The following RREB1 variants were observed in gnomAD, a reference collection of about 807,000 sequenced individuals.
RREB1 encodes ras responsive element binding protein 1.
RREB1 carries 27 observed loss-of-function variants against 117.8 expected under a neutral mutation model. The observed-to-expected ratio is 0.23, with a 90% CI of 0.17 to 0.32. The LOEUF (loss-of-function observed/expected upper bound fraction) is 0.32, where lower values mean the gene tolerates loss of function less well. RREB1 is among the 10% of genes least tolerant of loss of function. RREB1 has a pLI of 1.00. For synonymous variants in RREB1, 1,298 were observed against 1,026.7 expected, an observed-to-expected ratio of 1.26 and a Z score of -5.05; for missense variants, 2,577 against 2,378.2, an observed-to-expected ratio of 1.08 and a Z score of -1.74.
At chr6:7,141,604 A>G (rs1003454505) in intron 1 of RREB1, among the ~76,000 whole-genome samples, 2 of 152,206 alleles carry the variant, frequency 1.3e-5, no homozygotes, top group Non-Finnish European at 2.9e-5. Flanking sequence ...CCATTGAAAC[A>G]TTTGGCTTCC....
chr6:7,173,504 G>GAA (rs796789297), intron 1 of RREB1, among the ~76,000 whole-genome samples: 4 of 120,236 alleles, frequency 3.3e-5, no homozygotes, highest in Admixed American at 8.8e-5. Context: ...AAAACATGAA[G>GAA]AAAAAAAAAA....
chr6:7,247,214 C>T lies in RREB1; in HGVS notation c.4764C>T (p.Ser1588=). 6.2e-7 allele frequency: 1 copy of T among 1,612,508 alleles called. No individual in the cohort carries two copies. Among genetic ancestry groups the T allele is most frequent in the Non-Finnish European group, 8.5e-7 (1 of 1,179,320 alleles). The change falls in exon 12 of 13, where the codon TCC becomes TCT. Residue 1588 remains serine, a synonymous_variant. Coordinates refer to ENST00000379938, the MANE Select transcript of RREB1 (RefSeq NM_001003699.4). ...AGGACCTGACCCGGCACATGCGCTC[C>T]CACACAGGTAACCAGGGCAGGCCAG... ...SLQDLTRHMR[S]HTGERPYKCQ...
At chr6:7,137,768 C>T (rs927277696) in intron 1 of RREB1, among the ~76,000 whole-genome samples, 16 of 152,214 alleles carry the variant, frequency 1.1e-4, no homozygotes, top group African/African-American at 3.6e-4. Context: ...AGTCATTTCA[C>T]GGCCGCCTAG....
intron 10 of RREB1, among the ~76,000 whole-genome samples, chr6:7,237,893 A>G (rs910220615): frequency 6.6e-6 from 1 of 152,208 alleles, no homozygotes; most frequent in Non-Finnish European, 1.5e-5. Flanking sequence ...CTTTCACATC[A>G]TGGATTGTTT....
chr6:7,110,188 G>C (rs931897866), intron 1 of RREB1, among the ~76,000 whole-genome samples: 7 of 152,126 alleles, frequency 4.6e-5, no homozygotes, highest in Non-Finnish European at 7.4e-5. Flanking sequence ...AGTGGAAGGT[G>C]GGGAAAAGAG....
At chr6:7,234,443 T>C (rs1376574051) in intron 10 of RREB1, among the ~76,000 whole-genome samples, 2 of 152,234 alleles carry the variant, frequency 1.3e-5, no homozygotes, top group African/African-American at 2.4e-5. Context: ...TGTGCCCATG[T>C]CTTTGCAGGT....
chr6:7,248,641 G>A lies in RREB1; in HGVS notation c.4902G>A (p.Glu1634=). Residue 1634 remains glutamate (E), a synonymous_variant, in exon 13 of 13, where the codon GAG becomes GAA. Transcript: ENST00000379938. ...ACGGGAAGGACAGCGACAAGGAAGA[G>A]CGGGGTGAGGAGGACAGCGAGAATG... ...KHHGKDSDKE[E]RGEEDSENES... 6.2e-7 allele frequency: 1 copy of A among 1,614,268 alleles called. No individual in the cohort carries two copies. The highest frequency in any genetic ancestry group is 1.3e-5 in the African/African-American group (1 of 75,074).
At chr6:7,111,841 C>T (rs1204915004) in intron 1 of RREB1, among the ~76,000 whole-genome samples, 1 of 152,144 alleles carries the variant, frequency 6.6e-6, no homozygotes, top group Non-Finnish European at 1.5e-5. Context: ...ATAGTACCCT[C>T]TTATTTCTAG....
chr6:7,236,010 C>G (rs1467648416), intron 10 of RREB1, among the ~76,000 whole-genome samples: 1 of 152,162 alleles, frequency 6.6e-6, no homozygotes, highest in Non-Finnish European at 1.5e-5. Flanking sequence ...CCTTCCACTC[C>G]TCTCCAGCTC....
intron 1 of RREB1, among the ~76,000 whole-genome samples, chr6:7,150,335 G>C (rs1443652771): frequency 6.6e-6 from 1 of 152,080 alleles, no homozygotes; most frequent in Non-Finnish European, 1.5e-5. Context: ...TGTGCACTTA[G>C]GTTTGCTGTA....
intron 8 of RREB1, among the ~76,000 whole-genome samples, chr6:7,222,404 G>A (rs1767318348): frequency 6.6e-6 from 1 of 152,116 alleles, no homozygotes; most frequent in African/African-American, 2.4e-5. Context: ...AGTTGTCCAA[G>A]GTCACGCAAT....
chr6:7,221,313 C>T (rs542796690), intron 8 of RREB1, among the ~76,000 whole-genome samples: 7 of 151,898 alleles, frequency 4.6e-5, no homozygotes, highest in East Asian at 1.9e-4. Flanking sequence ...GGACTACAGG[C>T]GCCCGCCACT....
At chr6:7,154,263 A>G (rs1763257988) in intron 1 of RREB1, among the ~76,000 whole-genome samples, 1 of 152,236 alleles carries the variant, frequency 6.6e-6, no homozygotes, top group African/African-American at 2.4e-5. Context: ...TCACCTGGGA[A>G]CTTGTTAGAA....
At chr6:7,148,185 G>A (rs1041911750) in intron 1 of RREB1, among the ~76,000 whole-genome samples, 2 of 152,108 alleles carry the variant, frequency 1.3e-5, no homozygotes, top group African/African-American at 4.8e-5. Flanking sequence ...CTCCTACCTT[G>A]ATTCCCATTG....
chr6:7,251,144 C>T lies in RREB1; in HGVS notation c.*2176C>T, dbSNP rs1393261667. 1 of 152,104 alleles carries T rather than the reference C, an allele frequency of 6.6e-6. No homozygotes were observed. Among genetic ancestry groups the T allele is most frequent in the East Asian group, 1.9e-4 (1 of 5,194 alleles). The allele number at this position is 152,104 out of a possible 1,614,324, so 9.4% of individuals were successfully genotyped here. A position where few individuals can be genotyped will look rare whatever the true frequency, so the allele number is the denominator to read the frequency against. On this transcript the variant is annotated 3_prime_UTR_variant, in exon 13 of 13. Coordinates refer to ENST00000379938, the MANE Select transcript of RREB1 (RefSeq NM_001003699.4). ...TGTAGCAGTAATCAGCTCCCAGCGA[C>T]GTGTGTAGCTGGGGCTGCCGCTCGC...
chr6:7,242,421 C>G (rs937025272), intron 11 of RREB1, among the ~76,000 whole-genome samples: 5 of 152,132 alleles, frequency 3.3e-5, no homozygotes, highest in African/African-American at 1.2e-4. Context: ...CTTGAAGGGA[C>G]AAAGCCTCTA....
At chr6:7,182,215 A>G (rs529305356) in intron 4 of RREB1, 133 bp downstream of exon 4, 513 of 801,912 alleles carry the variant, frequency 6.4e-4, no homozygotes, top group Non-Finnish European at 8.6e-4. Context: ...GGCCTTGATC[A>G]TTTTTCAAGG....
chr6:7,212,486 T>C (rs1490317869), intron 8 of RREB1: 2 of 152,234 alleles, frequency 1.3e-5, no homozygotes, highest in African/African-American at 4.8e-5. Context: ...TTGGAAGTTA[T>C]TCCTAGAGAA....
intron 1 of RREB1, among the ~76,000 whole-genome samples, chr6:7,155,967 A>G (rs141509784): frequency 1.3e-3 from 198 of 152,340 alleles, no homozygotes; most frequent in African/African-American, 4.2e-3. Context: ...AACTCTAGGT[A>G]GAAGATAAAG....
Sources: gnomAD v4.1 joint callset for allele counts (sites outside exome capture counted in the v4.1 genomes callset) on GRCh38, gnomAD v4.1.1 for gene constraint, MANE v1.5 for transcripts, NCBI Gene and HGNC (gene_info 2026-07-23, HGNC 2026-07-21) for gene names.